MTMR6: variants seen among roughly 807,000 people sequenced by gnomAD.
MTMR6 encodes the protein myotubularin related protein 6.
MTMR6 carries 47 observed loss-of-function variants against 80.1 expected under a neutral mutation model. The observed-to-expected ratio is 0.59, with a 90% confidence interval of 0.46 to 0.75. The LOEUF (loss-of-function observed/expected upper bound fraction) is 0.75, where lower values mean the gene tolerates loss of function less well. Among genes scored for constraint, MTMR6 ranks in the 30% least tolerant of loss-of-function variants. The probability of loss-of-function intolerance (pLI) is 0.00; values close to 1 mark genes in which losing one functional copy is unlikely to be tolerated. For synonymous variants in MTMR6, 254 were observed against 253.0 expected (o/e 1.00, Z -0.04); for missense variants, 629 against 730.9 (o/e 0.86, Z 1.61).
At chr13:25,261,029 C>T (rs758943930) in intron 6 of MTMR6, among the ~76,000 whole-genome samples, 3 of 151,826 alleles carry the variant, frequency 2.0e-5, no homozygotes, top group Non-Finnish European at 2.9e-5. Flanking sequence ...TTAGGCTGGG[C>T]GCAGTGGCTC....
chr13:25,273,777 G>A (rs376031820), intron 2 of MTMR6, among the ~76,000 whole-genome samples: 23 of 151,874 alleles, frequency 1.5e-4, no homozygotes, highest in African/African-American at 5.1e-4. Flanking sequence ...CACCCACCTC[G>A]GCCTCCCAAA....
At chr13:25,254,197 T>C (rs917255064) in intron 10 of MTMR6, among the ~76,000 whole-genome samples, 188 bp downstream of exon 10, 17 of 152,192 alleles carry the variant, frequency 1.1e-4, no homozygotes, top group Admixed American at 9.2e-4. Flanking sequence ...TCATGAAAAT[T>C]AACAAGCGTA....
At chr13:25,265,725 C>T in intron 5 of MTMR6, 94 bp downstream of exon 5, 1 of 1,361,238 alleles carries the variant, frequency 7.3e-7, no homozygotes, top group Non-Finnish European at 1.0e-6. Flanking sequence ...GAGCGAGACC[C>T]TATCTCAAAA....
chr13:25,259,484 T>C (rs376961654), intron 6 of MTMR6, among the ~76,000 whole-genome samples: 21 of 152,280 alleles, frequency 1.4e-4, no homozygotes, highest in African/African-American at 4.6e-4. Context: ...ATTTTGTGGA[T>C]TGGACCTCAG....
intron 2 of MTMR6, among the ~76,000 whole-genome samples, chr13:25,273,522 A>G (rs923660420): frequency 6.8e-6 from 1 of 146,990 alleles, no homozygotes; most frequent in African/African-American, 2.5e-5. Flanking sequence ...AAGGAACAAT[A>G]GGATTTTTTT....
At chr13:25,257,171 T>C (rs368271024) in intron 9 of MTMR6, 25 bp downstream of exon 9, 95 of 1,604,814 alleles carry the variant, frequency 5.9e-5, no homozygotes, top group African/African-American at 4.6e-4. Flanking sequence ...TTAAGAACCA[T>C]TGGTCTAACC....
rs575874704 is a variant in MTMR6 at position 25,256,856 on chromosome 13, T to G, written c.1095+340A>C. ...TAGATAAAAATGAGGGAGAAAATAC[T>G]GAATATTTCCATTGCAACATTTTAG... On this transcript the variant is annotated intron_variant, in intron 9 of 13. Transcript: ENST00000381801. 2.0e-3 allele frequency among the ~76,000 whole-genome samples: 306 copies of G among 152,326 alleles called. 1 individual carries two copies. The highest frequency in any genetic ancestry group is 6.8e-3 in the Middle Eastern group (2 of 294).
Position 25,249,327 on chromosome 13 carries a change from C to G in MTMR6, c.1771G>C (p.Ala591Pro). 6.2e-7 allele frequency: 1 copy of G among 1,614,106 alleles called. No individual in the cohort carries two copies. The highest frequency in any genetic ancestry group is 8.5e-7 in the Non-Finnish European group (1 of 1,179,972). ...ALRTIEGSSP[A>P]DNRYSEYAEE... Reference sequence around the variant, plus strand: ...GCATATTCACTATAACGATTATCTGCCGGGCTGCTGCCCTCTATAGTTCGA... The same window carrying G: ...GCATATTCACTATAACGATTATCTGGCGGGCTGCTGCCCTCTATAGTTCGA... The change falls in exon 14 of 14, where the codon GCA becomes CCA. Residue 591 changes from alanine (A) to proline (P), a missense_variant. Coordinates refer to ENST00000381801, the MANE Select transcript of MTMR6 (RefSeq NM_004685.5).
At position 25,249,328 on chromosome 13, in the gene MTMR6, CG is replaced by C; in HGVS notation, c.1769del (p.Pro590ArgfsTer23). The C allele has an allele frequency of 6.2e-7, 1 of 1,614,052 alleles. No individual in the cohort carries two copies. Among genetic ancestry groups the C allele is most frequent in the Middle Eastern group, 1.6e-4 (1 of 6,062 alleles). On this transcript the variant is annotated frameshift_variant, in exon 14 of 14. Coordinates refer to ENST00000381801, the MANE Select transcript of MTMR6 (RefSeq NM_004685.5). LOFTEE classifies it high-confidence loss of function. ...CATATTCACTATAACGATTATCTGCCGGGCTGCTGCCCTCTATAGTTCGAAG... is the reference window on the plus strand; with the variant it reads ...CATATTCACTATAACGATTATCTGCCGGCTGCTGCCCTCTATAGTTCGAAG... ...DALRTIEGSSPADNRYSEYAE... is the reference protein window; with the variant it reads ...DALRTIEGSSXADNRYSEYAE...
At chr13:25,272,494 T>C (rs768572991) in intron 2 of MTMR6, among the ~76,000 whole-genome samples, 11 of 152,108 alleles carry the variant, frequency 7.2e-5, no homozygotes, top group Non-Finnish European at 1.3e-4. Context: ...GTAATATGAA[T>C]ATACTGAATG....
chr13:25,277,603 T>C (rs1957752314), intron 1 of MTMR6, among the ~76,000 whole-genome samples: 1 of 152,202 alleles, frequency 6.6e-6, no homozygotes, highest in Admixed American at 6.5e-5. Flanking sequence ...CTCTCTGCTA[T>C]CTTTTCCCTA....
At chr13:25,273,979 A>C (rs1296553640) in intron 2 of MTMR6, 92 bp downstream of exon 2, 1 of 903,688 alleles carries the variant, frequency 1.1e-6, no homozygotes, top group Non-Finnish European at 1.7e-6. Flanking sequence ...GTAACCAATG[A>C]TTAAAAATTG....
chr13:25,262,102 T>G (rs1290136634), intron 5 of MTMR6, among the ~76,000 whole-genome samples: 1 of 152,210 alleles, frequency 6.6e-6, no homozygotes, highest in Non-Finnish European at 1.5e-5. Flanking sequence ...ATCTTCATTC[T>G]GCGCTCCATT....
In MTMR6 at chr13:25,287,403, C is replaced by T; in HGVS notation, c.-156G>A. The T allele has an allele frequency of 6.2e-6, 6 of 975,264 alleles. 1 individual carries two copies. In the South Asian group the frequency reaches 8.7e-5, roughly 14 times the overall value. 60.4% of individuals were successfully genotyped at this position (975,264 alleles called of 1,614,324 possible). On this transcript the variant is annotated 5_prime_UTR_variant, in exon 1 of 14. Coordinates refer to ENST00000381801, the MANE Select transcript of MTMR6 (RefSeq NM_004685.5). ...CCCGGTGGCGTCAACGGCGCAGGTG[C>T]AGCCGGTGAGCGCCGTCTCCTAGAA...
intron 1 of MTMR6, among the ~76,000 whole-genome samples, chr13:25,278,610 G>A (rs1394224529): frequency 6.6e-6 from 1 of 151,368 alleles, no homozygotes; most frequent in Non-Finnish European, 1.5e-5. Context: ...CTACTCGGGA[G>A]GCTGAGGCAG....
intron 6 of MTMR6, among the ~76,000 whole-genome samples, chr13:25,259,386 A>G (rs1216961634): frequency 6.6e-6 from 1 of 152,186 alleles, no homozygotes; most frequent in African/African-American, 2.4e-5. Flanking sequence ...CCAGGCTAGG[A>G]TTTCATATAG....
intron 2 of MTMR6, among the ~76,000 whole-genome samples, chr13:25,269,847 C>T (rs1471630913): frequency 1.3e-5 from 2 of 151,938 alleles, no homozygotes; most frequent in Admixed American, 6.6e-5. Flanking sequence ...ATAGTCCTTA[C>T]GGCTAAGATT....
intron 2 of MTMR6, 28 bp from the exon 3 acceptor site, chr13:25,267,969 T>C (rs1957494689): frequency 6.4e-7 from 1 of 1,551,016 alleles, no homozygotes; most frequent in Non-Finnish European, 8.7e-7. Flanking sequence ...ATCCAGGTCA[T>C]CAACATGGAA....
chr13:25,279,968 T>C (rs927667383), intron 1 of MTMR6, among the ~76,000 whole-genome samples: 1 of 151,940 alleles, frequency 6.6e-6, no homozygotes, highest in Non-Finnish European at 1.5e-5. Context: ...GTGGAGAAAA[T>C]GCTGAGTTGA....
Sources: allele counts gnomAD v4.1 joint callset (sites outside exome capture counted in the v4.1 genomes callset), GRCh38; gene constraint gnomAD v4.1.1; transcripts MANE v1.5; gene names NCBI Gene and HGNC (gene_info 2026-07-23, HGNC 2026-07-21).